Variants in AUTS2 observed in about 807,000 individuals in gnomAD.
The protein encoded by AUTS2 is activator of transcription and developmental regulator AUTS2.
Under a neutral mutation model 112.4 loss-of-function variants are expected in AUTS2, and 17 were observed. The observed-to-expected ratio is 0.15, with a 90% CI of 0.10 to 0.23. AUTS2 has a LOEUF of 0.23. Ranked by LOEUF, AUTS2 falls within the 10% of genes least tolerant of loss-of-function variation. The pLI is 1.00. For synonymous variants in AUTS2, 751 were observed against 702.7 expected, an observed-to-expected ratio of 1.07 and a Z score of -1.09; for missense variants, 1,510 against 1,701.6, an observed-to-expected ratio of 0.89 and a Z score of 1.98.
chr7:69,876,887 A>C (rs142539264), intron 1 of AUTS2, among the ~76,000 whole-genome samples: 150 of 152,196 alleles, frequency 9.9e-4, no homozygotes, highest in African/African-American at 3.5e-3. Context: ...TATCCTATTC[A>C]GATAGGCAAA....
At chr7:70,250,772 CAA>C (rs1220366845) in intron 4 of AUTS2, among the ~76,000 whole-genome samples, 1 of 152,040 alleles carries the variant, frequency 6.6e-6, no homozygotes, top group Non-Finnish European at 1.5e-5. Flanking sequence ...AACAGAAAAC[CAA>C]ATACTGCAAG....
intron 6 of AUTS2, among the ~76,000 whole-genome samples, chr7:70,733,368 CCTCA>C (rs1411277906): frequency 6.6e-6 from 1 of 152,142 alleles, no homozygotes; most frequent in Non-Finnish European, 1.5e-5. Context: ...ACTTAGAAAC[CCTCA>C]CTGCTGCAGG....
At chr7:69,796,056 A>G (rs1789826296) in intron 1 of AUTS2, among the ~76,000 whole-genome samples, 1 of 152,202 alleles carries the variant, frequency 6.6e-6, no homozygotes, top group African/African-American at 2.4e-5. Context: ...TTAACATTCA[A>G]GGTTTCTGTG....
intron 1 of AUTS2, among the ~76,000 whole-genome samples, chr7:69,736,197 T>G (rs187940638): frequency 3.3e-5 from 5 of 152,326 alleles, no homozygotes; most frequent in Admixed American, 3.3e-4. Context: ...GTCTGTCTCG[T>G]GATCCATGCC....
intron 2 of AUTS2, among the ~76,000 whole-genome samples, chr7:70,038,555 A>G (rs1416912941): frequency 1.3e-5 from 2 of 152,194 alleles, no homozygotes; most frequent in Admixed American, 1.3e-4. Context: ...GTAGAAGAAT[A>G]TATCTCAGAG....
intron 3 of AUTS2, among the ~76,000 whole-genome samples, chr7:70,128,279 C>T (rs1806084165): frequency 6.6e-6 from 1 of 152,190 alleles, no homozygotes; most frequent in African/African-American, 2.4e-5. Flanking sequence ...CAGGTATAGT[C>T]TGGGCATTTG....
chr7:70,562,427 T>A (rs1248370317), intron 5 of AUTS2, among the ~76,000 whole-genome samples: 1 of 152,212 alleles, frequency 6.6e-6, no homozygotes, highest in Non-Finnish European at 1.5e-5. Flanking sequence ...TTACTCCTAC[T>A]GAAAAAACTC....
At chr7:70,329,702 T>C (rs1790656267) in intron 4 of AUTS2, among the ~76,000 whole-genome samples, 1 of 151,392 alleles carries the variant, frequency 6.6e-6, no homozygotes, top group South Asian at 2.1e-4. Context: ...ATATTTTCAC[T>C]CTCTAGGTTG....
intron 5 of AUTS2, among the ~76,000 whole-genome samples, chr7:70,692,889 A>C (rs996228110): frequency 1.3e-5 from 2 of 152,022 alleles, no homozygotes; most frequent in Non-Finnish European, 2.9e-5. Flanking sequence ...CATGTCATTC[A>C]TATGTGGTGT....
At chr7:69,885,169 G>T (rs913169619) in intron 1 of AUTS2, among the ~76,000 whole-genome samples, 4 of 152,160 alleles carry the variant, frequency 2.6e-5, no homozygotes, top group Non-Finnish European at 5.9e-5. Context: ...GTGTTGAACA[G>T]GAATTTCTAC....
intron 5 of AUTS2, among the ~76,000 whole-genome samples, chr7:70,663,445 C>A (rs1807176627): frequency 6.6e-6 from 1 of 152,144 alleles, no homozygotes; most frequent in African/African-American, 2.4e-5. Flanking sequence ...GCAAGTGGAG[C>A]CCCACAGGAA....
At chr7:70,473,515 C>T (rs563979810) in intron 5 of AUTS2, among the ~76,000 whole-genome samples, 6 of 152,176 alleles carry the variant, frequency 3.9e-5, no homozygotes, top group South Asian at 2.1e-4. Flanking sequence ...GGTGATATTT[C>T]GTTTTGATTT....
At chr7:70,697,029 C>G (rs112383359) in intron 5 of AUTS2, among the ~76,000 whole-genome samples, 168 of 152,266 alleles carry the variant, frequency 1.1e-3, no homozygotes, top group African/African-American at 4.0e-3. Context: ...AACTCACAGT[C>G]CTAGAAATCT....
chr7:69,758,621 A>G (rs576625817), intron 1 of AUTS2, among the ~76,000 whole-genome samples: 10 of 152,312 alleles, frequency 6.6e-5, no homozygotes, highest in Middle Eastern at 3.4e-3. Flanking sequence ...CTAAACTCTA[A>G]AAAGAGTCTA....
At chr7:70,120,074 AC>A (rs1482497798) in intron 3 of AUTS2, 3 of 152,164 alleles carry the variant, frequency 2.0e-5, no homozygotes, top group Non-Finnish European at 4.4e-5. Flanking sequence ...ATGTCTACTA[AC>A]ATAAACGGTT....
At chr7:70,091,942 T>G (rs1357607783) in intron 2 of AUTS2, among the ~76,000 whole-genome samples, 1 of 152,174 alleles carries the variant, frequency 6.6e-6, no homozygotes, top group Non-Finnish European at 1.5e-5. Context: ...AATATTTGCC[T>G]GCTAGCTATC....
At chr7:70,495,808 C>T (rs1798448638) in intron 5 of AUTS2, among the ~76,000 whole-genome samples, 2 of 133,420 alleles carry the variant, frequency 1.5e-5, no homozygotes, top group African/African-American at 2.9e-5. Flanking sequence ...CACATGCACA[C>T]GTCACATCAG....
At chr7:69,763,010 T>C (rs991703372) in intron 1 of AUTS2, among the ~76,000 whole-genome samples, 1 of 152,204 alleles carries the variant, frequency 6.6e-6, no homozygotes, top group Non-Finnish European at 1.5e-5. Context: ...TACAAGCCTG[T>C]TAATCAAGTG....
In AUTS2 at chr7:70,744,773, C is replaced by A. The variant is rs117235315; in HGVS notation, c.743-18097C>A. ...GGAGGACCTGACTGACACGTGAGCC[C>A]CCCTTGGCAGCCATCATCTTCAGAA... is the stretch of plus-strand genomic sequence containing the variant. On this transcript the variant is annotated intron_variant, in intron 6 of 18. Coordinates refer to ENST00000342771, the MANE Select transcript of AUTS2 (RefSeq NM_015570.4). Among the ~76,000 whole-genome samples, 365 of 152,244 alleles carry A rather than the reference C, an allele frequency of 2.4e-3. 18 individuals carry two copies. The East Asian group carries it at 0.061, about 25-fold the overall frequency.
Sources: gnomAD v4.1 joint callset for allele counts (sites outside exome capture counted in the v4.1 genomes callset) on GRCh38, gnomAD v4.1.1 for gene constraint, MANE v1.5 for transcripts, NCBI Gene and HGNC (gene_info 2026-07-23, HGNC 2026-07-21) for gene names.